ST3GAL4: variants seen among roughly 807,000 people sequenced by gnomAD.
The protein encoded by ST3GAL4 is CMP-N-acetylneuraminate-beta-galactosamide-alpha-2,3-sialyltransferase 4.
Under a neutral mutation model 42.6 loss-of-function variants are expected in ST3GAL4, and 24 were observed. The ratio of observed to expected loss-of-function variants is 0.56; its 90% confidence interval spans 0.41 to 0.79. The LOEUF is 0.79. Among genes scored for constraint, ST3GAL4 ranks in the 30% least tolerant of loss-of-function variants. ST3GAL4 has a pLI of 0.00. For missense variants in ST3GAL4, 311 were observed against 430.8 expected (o/e 0.72, Z 2.46); for synonymous variants, 135 against 163.2 (o/e 0.83, Z 1.32).
intron 1 of ST3GAL4, among the ~76,000 whole-genome samples, chr11:126,371,071 A>G (rs1005461035): frequency 4.0e-5 from 6 of 151,780 alleles, no homozygotes; most frequent in East Asian, 1.9e-4. Flanking sequence ...ACCTTATCCC[A>G]TATTAGATAT....
rs1954476911 is a variant in ST3GAL4, at chr11:126,410,493, G to C, written c.771+1082G>C. Among the ~76,000 whole-genome samples, 1 of 152,104 alleles carries C rather than the reference G, an allele frequency of 6.6e-6. No individual in the cohort carries two copies. Among genetic ancestry groups the C allele is most frequent in the African/African-American group, 2.4e-5 (1 of 41,420 alleles). ...CCTTGTTTTTCTTGCCTGTGTGGTG[G>C]GATAATATCCATAATGACCTTTTAA... On this transcript the variant is annotated intron_variant, in intron 9 of 10. Transcript: ENST00000444328. This position sits in a 1 kb window ranked among gnomAD's most constrained non-coding sequence, Gnocchi z 5.3.
chr11:126,407,445 G>A, intron 5 of ST3GAL4, 96 bp downstream of exon 5: 1 of 1,557,946 alleles, frequency 6.4e-7, no homozygotes, highest in South Asian at 1.1e-5. Flanking sequence ...CAAGTTCTGA[G>A]CCTGACTCGG....
At position 126,396,516 on chromosome 11, in the gene ST3GAL4, G is replaced by C. The variant is rs1187114618; in HGVS notation, c.-60-9580G>C. ...ACTGCAGAGCTTCCAGAGAGCACCAGGGCTGTGGGGGCTAGAGACTGTGTC... is the reference window on the plus strand; with the variant it reads ...ACTGCAGAGCTTCCAGAGAGCACCACGGCTGTGGGGGCTAGAGACTGTGTC... On this transcript the variant is annotated intron_variant, in intron 1 of 10. Coordinates refer to ENST00000444328, the MANE Select transcript of ST3GAL4 (RefSeq NM_001254757.2). The surrounding 1 kb of genome is among the most constrained non-coding windows in gnomAD (Gnocchi z 5.8). 2.0e-5 allele frequency among the ~76,000 whole-genome samples: 3 copies of C among 151,972 alleles called. No individual in the cohort carries two copies. The highest frequency in any genetic ancestry group is 1.3e-4 in the Admixed American group (2 of 15,288).
rs765806622 is a variant in ST3GAL4, at chr11:126,413,664, G to T, written c.915+16G>T. ...GTCCATGGCGGTAAGTGCCTGGCTT[G>T]TGAGCATGGTGGGCCAGGGCGTGGA... On this transcript the variant is annotated intron_variant, in intron 10 of 10. Coordinates refer to ENST00000444328, the MANE Select transcript of ST3GAL4 (RefSeq NM_001254757.2). The T allele has an allele frequency of 4.3e-6, 7 of 1,613,378 alleles. No homozygotes were observed. The highest frequency in any genetic ancestry group is 5.9e-6 in the Non-Finnish European group (7 of 1,179,312).
In ST3GAL4 at chr11:126,409,479, G is replaced by A; in HGVS notation, c.771+68G>A. 6.2e-7 allele frequency: 1 copy of A among 1,600,070 alleles called. No homozygotes were observed. The highest frequency in any genetic ancestry group is 8.6e-7 in the Non-Finnish European group (1 of 1,169,242). ...GGAAGTAGGAGGGATGATCCTATGGGCTTAGGAAGCCCTGGAAGGATCCCA... is the reference window on the plus strand; with the variant it reads ...GGAAGTAGGAGGGATGATCCTATGGACTTAGGAAGCCCTGGAAGGATCCCA... On this transcript the variant is annotated intron_variant, in intron 9 of 10. Transcript: ENST00000444328. The surrounding 1 kb of genome is among the most constrained non-coding windows in gnomAD (Gnocchi z 4.9).
In ST3GAL4 at chr11:126,386,430, G is replaced by A. The variant is rs956641436; in HGVS notation, c.-60-19666G>A. On this transcript the variant is annotated intron_variant, in intron 1 of 10. Transcript: ENST00000444328. The surrounding 1 kb of genome is among the most constrained non-coding windows in gnomAD (Gnocchi z 4.7). ...CTGACCTGTCCAGCCTCACAGTCTGGGGAGGCCTTGGGGTCCCCAGCCTGT... is the reference window on the plus strand; with the variant it reads ...CTGACCTGTCCAGCCTCACAGTCTGAGGAGGCCTTGGGGTCCCCAGCCTGT... Among the ~76,000 whole-genome samples the A allele has an allele frequency of 6.6e-6, 1 of 152,024 alleles. No homozygotes were observed. The highest frequency in any genetic ancestry group is 2.4e-5 in the African/African-American group (1 of 41,402).
At chr11:126,361,299 C>T (rs1246919362) in intron 1 of ST3GAL4, among the ~76,000 whole-genome samples, 4 of 152,010 alleles carry the variant, frequency 2.6e-5, no homozygotes, top group Non-Finnish European at 5.9e-5. Context: ...ACTTTTATTC[C>T]TTGTACATAT....
chr11:126,407,762 A>C, intron 6 of ST3GAL4, 128 bp downstream of exon 6: 17 of 1,010,896 alleles, frequency 1.7e-5, no homozygotes, highest in Middle Eastern at 3.2e-4. Flanking sequence ...GCCAATTCTC[A>C]TGGTAGCCTA....
chr11:126,387,853 T>C (rs544867747), intron 1 of ST3GAL4, among the ~76,000 whole-genome samples: 143 of 152,368 alleles, frequency 9.4e-4, no homozygotes, highest in African/African-American at 3.3e-3. Context: ...TGTAACTGTT[T>C]TGTGAAAGTG....
At position 126,359,966 on chromosome 11, in the gene ST3GAL4, C is replaced by T. The variant is rs896745075; in HGVS notation, c.-61+4124C>T. Among the ~76,000 whole-genome samples, 24 of 152,238 alleles carry T rather than the reference C, an allele frequency of 1.6e-4. No individual in the cohort carries two copies. Among genetic ancestry groups the T allele is most frequent in the African/African-American group, 5.8e-4 (24 of 41,472 alleles). On this transcript the variant is annotated intron_variant, in intron 1 of 10. Coordinates refer to ENST00000444328, the MANE Select transcript of ST3GAL4 (RefSeq NM_001254757.2). The surrounding 1 kb of genome is among the most constrained non-coding windows in gnomAD (Gnocchi z 4.8). The stretch of plus-strand genomic sequence containing the variant: ...AGGGAACCCAGCCAAAGTGGCTGCT[C>T]CTGGCGTCTGGCATCCTGATTCCTG...
Position 126,398,560 on chromosome 11 carries a change from C to A in ST3GAL4, c.-60-7536C>A, listed in dbSNP as rs1446750373. On this transcript the variant is annotated intron_variant, in intron 1 of 10. Transcript: ENST00000444328. The surrounding 1 kb of genome is among the most constrained non-coding windows in gnomAD (Gnocchi z 4.7). ...GTTCTGGGGTGTCAGGATGGCCTTACTCCCACAGCTCCACTAGGCTTCCTG... is the reference window on the plus strand; with the variant it reads ...GTTCTGGGGTGTCAGGATGGCCTTAATCCCACAGCTCCACTAGGCTTCCTG... Among the ~76,000 whole-genome samples, 1 of 152,232 alleles carries A rather than the reference C, an allele frequency of 6.6e-6. No individual in the cohort carries two copies. Among genetic ancestry groups the A allele is most frequent in the Non-Finnish European group, 1.5e-5 (1 of 68,050 alleles).
In ST3GAL4 at chr11:126,384,718, C is replaced by A; in HGVS notation, c.-60-21378C>A. 1.0e-6 allele frequency: 1 copy of A among 985,396 alleles called. No homozygotes were observed. Among genetic ancestry groups the A allele is most frequent in the Non-Finnish European group, 1.2e-6 (1 of 829,932 alleles). The allele number at this position is 985,396 out of a possible 1,614,324, so 61.0% of individuals were successfully genotyped here. On this transcript the variant is annotated intron_variant, in intron 1 of 10. Coordinates refer to ENST00000444328, the MANE Select transcript of ST3GAL4 (RefSeq NM_001254757.2). The surrounding 1 kb of genome is among the most constrained non-coding windows in gnomAD (Gnocchi z 5.5). Reference sequence around the variant, plus strand: ...CCCTCCCCTTCTGCATGCCACCACACCCCAGCAGCATCTCCTGAGGCTGGG... The same window carrying A: ...CCCTCCCCTTCTGCATGCCACCACAACCCAGCAGCATCTCCTGAGGCTGGG...
At chr11:126,360,634 G>A (rs1000845416) in intron 1 of ST3GAL4, among the ~76,000 whole-genome samples, 2 of 152,170 alleles carry the variant, frequency 1.3e-5, no homozygotes, top group Non-Finnish European at 2.9e-5. Context: ...ATGTTGGCCA[G>A]GCTGGTCTCG....
chr11:126,408,023 G>A, intron 6 of ST3GAL4, 76 bp from the exon 7 acceptor site: 1 of 1,495,826 alleles, frequency 6.7e-7, no homozygotes, highest in Non-Finnish European at 9.1e-7. Flanking sequence ...GTCCTGAGAT[G>A]GGCCCAGGCA....
intron 1 of ST3GAL4, among the ~76,000 whole-genome samples, chr11:126,402,096 G>GGGGC (rs1329112978): frequency 6.7e-6 from 1 of 149,012 alleles, no homozygotes; most frequent in Non-Finnish European, 1.5e-5. Context: ...GGGGAAAGAG[G>GGGGC]GGAGGTAGGA....
At position 126,396,120 on chromosome 11, in the gene ST3GAL4, T is replaced by C. The variant is rs1239015312; in HGVS notation, c.-60-9976T>C. The stretch of plus-strand genomic sequence containing the variant: ...CCCTGTGGGAGAACTCCCCAGCCCG[T>C]AGCCTGCGCTCACTGTACCTGGCAG... On this transcript the variant is annotated intron_variant, in intron 1 of 10. Transcript: ENST00000444328. The surrounding 1 kb of genome is among the most constrained non-coding windows in gnomAD (Gnocchi z 5.8). Among the ~76,000 whole-genome samples the C allele has an allele frequency of 3.3e-5, 5 of 151,978 alleles. No homozygotes were observed. Among genetic ancestry groups the C allele is most frequent in the Non-Finnish European group, 7.4e-5 (5 of 67,992 alleles).
chr11:126,408,949 C>G (rs939652463), intron 8 of ST3GAL4: 1 of 433,790 alleles, frequency 2.3e-6, no homozygotes, highest in African/African-American at 1.9e-5. Context: ...GCATTTTTGT[C>G]AAGTGTTTAG....
chr11:126,360,060 G>GGCTC (rs1952194954), intron 1 of ST3GAL4, among the ~76,000 whole-genome samples: 3 of 152,358 alleles, frequency 2.0e-5, no homozygotes, highest in Admixed American at 6.5e-5. Flanking sequence ...AGGCCAGAGA[G>GGCTC]GCTCCCAAAG....
chr11:126,374,871 G>A (rs1247203078), intron 1 of ST3GAL4: 1 of 151,920 alleles, frequency 6.6e-6, no homozygotes, highest in Non-Finnish European at 1.5e-5. Flanking sequence ...TCCCCAGCCC[G>A]TAGCCTGCGC....
Sources: allele counts gnomAD v4.1 joint callset (sites outside exome capture counted in the v4.1 genomes callset), GRCh38; gene constraint gnomAD v4.1.1; non-coding constraint Gnocchi (gnomAD v3.1); transcripts MANE v1.5; gene names NCBI Gene and HGNC (gene_info 2026-07-23, HGNC 2026-07-21).